AGBL4: variants seen among roughly 807,000 people sequenced by gnomAD.
AGBL4 encodes cytosolic carboxypeptidase 6.
A neutral mutation model predicts 66.4 loss-of-function variants in AGBL4; 58 were observed. The observed-to-expected ratio is 0.87, with a 90% CI of 0.71 to 1.09. AGBL4 has a LOEUF of 1.09. AGBL4 is among the 50% of genes least tolerant of loss of function. The probability of loss-of-function intolerance (pLI) is 0.00; values close to 1 mark genes in which losing one functional copy is unlikely to be tolerated. For synonymous variants in AGBL4, 234 were observed against 222.9 expected (o/e 1.05, Z -0.44); for missense variants, 579 against 631.0 (o/e 0.92, Z 0.88).
At chr1:48,802,652 C>A (rs1645836011) in intron 6 of AGBL4, among the ~76,000 whole-genome samples, 1 of 152,132 alleles carries the variant, frequency 6.6e-6, no homozygotes, top group Non-Finnish European at 1.5e-5. Context: ...TAGCACTGGA[C>A]CACTCAGCAT....
intron 2 of AGBL4, among the ~76,000 whole-genome samples, chr1:49,832,184 C>T (rs992580024): frequency 2.7e-5 from 4 of 150,720 alleles, no homozygotes; most frequent in African/African-American, 9.8e-5. Flanking sequence ...GTGTGATGCT[C>T]CCCTTCCTGT....
intron 3 of AGBL4, among the ~76,000 whole-genome samples, chr1:49,589,179 A>G (rs751064545): frequency 6.6e-6 from 1 of 152,122 alleles, no homozygotes; most frequent in African/African-American, 2.4e-5. Context: ...ACTCTTTTTT[A>G]TTTAATATTG....
chr1:48,711,680 G>T (rs1354577471), intron 6 of AGBL4, among the ~76,000 whole-genome samples: 2 of 149,086 alleles, frequency 1.3e-5, no homozygotes, highest in Non-Finnish European at 3.0e-5. Context: ...AAAGCAAGCT[G>T]TGCCCTTGCC....
intron 9 of AGBL4, among the ~76,000 whole-genome samples, chr1:48,632,493 C>T (rs767784956): frequency 5.3e-5 from 8 of 152,128 alleles, no homozygotes; most frequent in Non-Finnish European, 1.0e-4. Flanking sequence ...CCAGGCTGCC[C>T]CTAAACTCCC....
intron 4 of AGBL4, chr1:49,048,197 A>T (rs947265003): frequency 2.6e-5 from 4 of 152,112 alleles, no homozygotes; most frequent in Non-Finnish European, 4.4e-5. Flanking sequence ...AGTGGTTCCT[A>T]CAGTCATAAG....
intron 4 of AGBL4, among the ~76,000 whole-genome samples, chr1:49,119,732 A>G (rs1349737956): frequency 6.6e-6 from 1 of 152,168 alleles, no homozygotes; most frequent in African/African-American, 2.4e-5. Context: ...TCCAGAGCTG[A>G]GTCCAAGTCC....
At chr1:48,684,053 T>G (rs1011651841) in intron 6 of AGBL4, among the ~76,000 whole-genome samples, 5 of 152,202 alleles carry the variant, frequency 3.3e-5, no homozygotes, top group African/African-American at 1.2e-4. Flanking sequence ...CCTAGGCCAC[T>G]GCGTATACAG....
chr1:49,717,891 G>C (rs1436260862), intron 2 of AGBL4, among the ~76,000 whole-genome samples: 6 of 152,054 alleles, frequency 3.9e-5, no homozygotes, highest in Non-Finnish European at 7.4e-5. Context: ...GCCAGACTTA[G>C]TTCAGGGAAC....
At chr1:48,988,296 G>C (rs1660332914) in intron 5 of AGBL4, among the ~76,000 whole-genome samples, 1 of 152,130 alleles carries the variant, frequency 6.6e-6, no homozygotes, top group Admixed American at 6.5e-5. Context: ...ATTTATGTAT[G>C]TTTGTATCTC....
chr1:49,218,108 T>C (rs1281285946), intron 4 of AGBL4, among the ~76,000 whole-genome samples: 1 of 152,242 alleles, frequency 6.6e-6, no homozygotes, highest in East Asian at 1.9e-4. Context: ...CTTCATGTCA[T>C]CCTTTCACCT....
At chr1:48,960,743 T>G (rs919717255) in intron 5 of AGBL4, among the ~76,000 whole-genome samples, 1 of 152,236 alleles carries the variant, frequency 6.6e-6, no homozygotes, top group African/African-American at 2.4e-5. Flanking sequence ...TACTCTGTCA[T>G]GAAATATATT....
intron 6 of AGBL4, among the ~76,000 whole-genome samples, chr1:48,712,197 C>T (rs952288355): frequency 2.8e-4 from 42 of 152,294 alleles, no homozygotes; most frequent in African/African-American, 9.1e-4. Context: ...GTGGGCTTTC[C>T]ACACATATCC....
Position 49,476,472 on chromosome 1 carries a change from C to T in AGBL4, c.282+220841G>A, listed in dbSNP as rs985056902. ...CATATTTTTTTCATTAGTTTTCTGC[C>T]TCGATAATCTGTCTAATGCTGTCAG... On this transcript the variant is annotated intron_variant, in intron 3 of 13. Transcript: ENST00000371839. Among the ~76,000 whole-genome samples the T allele has an allele frequency of 2.0e-5, 3 of 151,872 alleles. No individual in the cohort carries two copies. In the East Asian group the frequency reaches 5.8e-4, roughly 29 times the overall value.
At chr1:49,884,121 T>G (rs946120934) in intron 1 of AGBL4, among the ~76,000 whole-genome samples, 1 of 151,982 alleles carries the variant, frequency 6.6e-6, no homozygotes, top group Non-Finnish European at 1.5e-5. Flanking sequence ...CTCTTTACTC[T>G]TCTTTTAAAA....
At chr1:49,959,973 A>G (rs935598465) in intron 1 of AGBL4, among the ~76,000 whole-genome samples, 3 of 151,962 alleles carry the variant, frequency 2.0e-5, no homozygotes, top group African/African-American at 4.8e-5. Flanking sequence ...CGAAGAATAC[A>G]TGAATACTAG....
chr1:48,642,352 A>G (rs1223460640), intron 8 of AGBL4, among the ~76,000 whole-genome samples: 1 of 152,114 alleles, frequency 6.6e-6, no homozygotes, highest in Non-Finnish European at 1.5e-5. Context: ...ACCCTAAGAA[A>G]TTCTTCCTAG....
At chr1:49,344,908 T>C (rs1378157693) in intron 3 of AGBL4, among the ~76,000 whole-genome samples, 1 of 152,204 alleles carries the variant, frequency 6.6e-6, no homozygotes. Flanking sequence ...GTTTCACCTT[T>C]TCAGAATCTT....
At chr1:49,329,459 A>G (rs1645288339) in intron 3 of AGBL4, among the ~76,000 whole-genome samples, 1 of 152,150 alleles carries the variant, frequency 6.6e-6, no homozygotes, top group African/African-American at 2.4e-5. Context: ...TGAGATCAGG[A>G]GTTCGAGATC....
intron 1 of AGBL4, among the ~76,000 whole-genome samples, chr1:49,948,004 A>ATATTTATATATAAATATATATT (rs1399972840): frequency 3.2e-5 from 1 of 31,126 alleles, no homozygotes; most frequent in African/African-American, 1.4e-4. Flanking sequence ...ATATAAATAT[A>ATATTTATATATAAATATATATT]TATAAATATA....
Sources: gnomAD v4.1 joint callset for allele counts (sites outside exome capture counted in the v4.1 genomes callset) on GRCh38, gnomAD v4.1.1 for gene constraint, MANE v1.5 for transcripts, NCBI Gene and HGNC (gene_info 2026-07-23, HGNC 2026-07-21) for gene names.